Variants in CACNA1F observed in about 807,000 individuals in gnomAD.
The protein encoded by CACNA1F is calcium voltage-gated channel subunit alpha1 F, also known as voltage-dependent L-type calcium channel subunit alpha-1F.
Under a neutral mutation model 143.8 loss-of-function variants are expected in CACNA1F, and 59 were observed. The observed-to-expected ratio is 0.41, with a 90% CI of 0.33 to 0.51. The LOEUF is 0.51. Ranked by LOEUF, CACNA1F falls within the 20% of genes least tolerant of loss-of-function variation. CACNA1F has a pLI of 0.22. For synonymous variants in CACNA1F, 643 were observed against 649.1 expected (o/e 0.99, Z 0.14); for missense variants, 1,411 against 1,647.5 (o/e 0.86, Z 2.48).
intron 31 of CACNA1F, 38 bp from the exon 32 acceptor site, chrX:49,213,032 AGAT>A (rs782332775): frequency 8.7e-7 from 1 of 1,144,801 alleles, no homozygotes; most frequent in African/African-American, 1.8e-5. Flanking sequence ...GTGATACAGG[AGAT>A]GATGACATCA....
chrX:49,223,214 G>C (rs2065790729), intron 14 of CACNA1F, 78 bp from the exon 15 acceptor site: 1 of 665,631 alleles, frequency 1.5e-6, no homozygotes, highest in East Asian at 3.5e-5. Flanking sequence ...CCAGGGCAGG[G>C]CTCCAGCTTG....
chrX:49,209,597 T>G (rs781913921), intron 41 of CACNA1F, 32 bp downstream of exon 41: 44 of 1,207,775 alleles, frequency 3.6e-5, no homozygotes, highest in Non-Finnish European at 4.8e-5. Flanking sequence ...CTGCCACACG[T>G]GCCCATCCAC....
chrX:49,215,322 G>T lies in CACNA1F; in HGVS notation c.3438+20C>A, dbSNP rs376277147. The T allele has an allele frequency of 1.3e-4, 159 of 1,204,275 alleles. No homozygotes were observed. The highest frequency in any genetic ancestry group is 1.7e-4 in the Non-Finnish European group (151 of 891,101). ...GAAGGGTTGGTGACCATCCATAGGG[G>T]GTCAGGGGTCAGAGGTCACCTGGTT... On this transcript the variant is annotated intron_variant, in intron 28 of 47. Coordinates refer to ENST00000323022, the MANE Select transcript of CACNA1F (RefSeq NM_001256789.3).
chrX:49,213,966 G>A, intron 30 of CACNA1F, 64 bp from the exon 31 acceptor site: 1 of 843,200 alleles, frequency 1.2e-6, no homozygotes, highest in Non-Finnish European at 1.7e-6. Flanking sequence ...TAGGGGGCCA[G>A]TAGTAGTAGG....
chrX:49,224,887 C>T lies in CACNA1F; in HGVS notation c.1751G>A (p.Arg584His), dbSNP rs781913575. ...CCCACAGACCACAAAGCAGTCAAAG[C>T]GGTTGAAGAAGGAAGACACATAGGC... Reference protein sequence around the residue: ...PSAYVSSFFNRFDCFVVCGGI... With the variant: ...PSAYVSSFFNHFDCFVVCGGI... The change falls in exon 14 of 48, where the codon CGC becomes CAC. Residue 584 changes from arginine (R) to histidine (H), a missense_variant. Physicochemically the swap from Arg to His is conservative, Grantham distance 29. This residue lies in a region of CACNA1F where 950 missense variants were observed against 1,128.1 expected (regional missense o/e 0.84). Coordinates refer to ENST00000323022, the MANE Select transcript of CACNA1F (RefSeq NM_001256789.3). 30 of 1,205,089 alleles carry T rather than the reference C, an allele frequency of 2.5e-5. No homozygotes were observed. Among genetic ancestry groups the T allele is most frequent in the African/African-American group, 1.6e-4 (9 of 56,947 alleles).
rs200434463 is a variant in CACNA1F at position 49,231,722 on chromosome X, C to T, written c.231G>A (p.Leu77=). 2.5e-6 allele frequency: 3 copies of T among 1,210,524 alleles called. No individual in the cohort carries two copies. The highest frequency in any genetic ancestry group is 1.7e-5 in the African/African-American group (1 of 57,407). ...TGCAGGACCGTCGCAGAGGATTGGC[C>T]AGGGTGAGGCAGAAGAGTGCCCGAG... ...RSPRALFCLT[L]ANPLRRSCIS... Residue 77 remains leucine (L), a synonymous_variant, in exon 2 of 48, where the codon CTG becomes CTA. Coordinates refer to ENST00000323022, the MANE Select transcript of CACNA1F (RefSeq NM_001256789.3).
At chrX:49,205,479 G>A in intron 47 of CACNA1F, 112 bp from the exon 48 acceptor site, 1 of 833,554 alleles carries the variant, frequency 1.2e-6, no homozygotes. Flanking sequence ...TGGGGGACAG[G>A]GGTGAGCAGA....
chrX:49,218,089 A>G (rs1168085167), intron 24 of CACNA1F, 84 bp from the exon 25 acceptor site: 61 of 688,251 alleles, frequency 8.9e-5, no homozygotes, highest in Non-Finnish European at 1.3e-4. Context: ...GATGCAGCTG[A>G]GGGACTTGGG....
chrX:49,231,126 G>A (rs2065874533), intron 3 of CACNA1F, 76 bp downstream of exon 3: 2 of 825,405 alleles, frequency 2.4e-6, no homozygotes, highest in African/African-American at 2.1e-5. Context: ...GAGAGGGGGC[G>A]GGGTCTGGCT....
chrX:49,232,197 T>G (rs958600702), intron 1 of CACNA1F, among the ~76,000 whole-genome samples: 3 of 110,595 alleles, frequency 2.7e-5, no homozygotes, highest in African/African-American at 9.9e-5. Flanking sequence ...TGCCATGGGG[T>G]GGGCGAATTT....
At chrX:49,220,308 C>T (rs2065763051) in intron 19 of CACNA1F, among the ~76,000 whole-genome samples, 165 bp downstream of exon 19, 1 of 111,954 alleles carries the variant, frequency 8.9e-6, no homozygotes, top group Non-Finnish European at 1.9e-5. Context: ...CTTCTTTAAC[C>T]TCAATGTTCC....
In CACNA1F at chrX:49,215,558, G is replaced by A. The variant is rs782555988; in HGVS notation, c.3237-15C>T. The A allele has an allele frequency of 8.8e-5, 97 of 1,107,325 alleles. 1 individual carries two copies. The East Asian group carries it at 2.9e-3, about 33-fold the overall frequency. 91.3% of individuals were successfully genotyped at this position (1,107,325 alleles called of 1,213,427 possible). On this transcript the variant is annotated splice_polypyrimidine_tract_variant and intron_variant, in intron 27 of 47. Coordinates refer to ENST00000323022, the MANE Select transcript of CACNA1F (RefSeq NM_001256789.3). The stretch of plus-strand genomic sequence containing the variant: ...TGTATAGCAGTCTGTGGGAGCCAGA[G>A]GGGGGGTAGAGGTGGGGGCAGGTGA...
In CACNA1F at chrX:49,224,921, C is replaced by T. The variant is rs782016284; in HGVS notation, c.1717G>A (p.Gly573Ser). 26 of 1,206,512 alleles carry T rather than the reference C, an allele frequency of 2.2e-5. No homozygotes were observed. The South Asian group carries it at 3.0e-4, about 14-fold the overall frequency. ...VEMLLKLYGLGPSAYVSSFFN... is the reference protein window; with the variant it reads ...VEMLLKLYGLSPSAYVSSFFN... ...AAGGAAGACACATAGGCAGAGGGGC[C>T]CAGACCGTACAATTTGAGAAGCATC... Residue 573 changes from glycine (G) to serine (S), a missense_variant, in exon 14 of 48, where the codon GGC becomes AGC. Coordinates refer to ENST00000323022, the MANE Select transcript of CACNA1F (RefSeq NM_001256789.3).
intron 19 of CACNA1F, 27 bp from the exon 20 acceptor site, chrX:49,219,817 A>AG: frequency 1.1e-6 from 1 of 918,435 alleles, no homozygotes; most frequent in Non-Finnish European, 1.5e-6. Flanking sequence ...GCAAAAAAAA[A>AG]TTAATTGAGC....
In CACNA1F at chrX:49,224,871, C is replaced by G. The variant is rs1557109506; in HGVS notation, c.1767G>C (p.Val589=). 2 of 1,204,576 alleles carry G rather than the reference C, an allele frequency of 1.7e-6. No individual in the cohort carries two copies. The highest frequency in any genetic ancestry group is 5.9e-5 in the East Asian group (2 of 33,621). Residue 589 remains valine, a synonymous_variant, in exon 14 of 48, where the codon GTG becomes GTC. Coordinates refer to ENST00000323022, the MANE Select transcript of CACNA1F (RefSeq NM_001256789.3). Reference sequence around the variant, plus strand: ...TGGTCTCTAGGATGCCCCCACAGACCACAAAGCAGTCAAAGCGGTTGAAGA... The same window carrying G: ...TGGTCTCTAGGATGCCCCCACAGACGACAAAGCAGTCAAAGCGGTTGAAGA... The part of the protein sequence containing the change: ...SSFFNRFDCF[V]VCGGILETTL...
intron 43 of CACNA1F, among the ~76,000 whole-genome samples, chrX:49,207,747 A>AT (rs1188264737): frequency 2.7e-5 from 3 of 109,562 alleles, no homozygotes; most frequent in Non-Finnish European, 5.7e-5. Flanking sequence ...ACACTCTGAA[A>AT]TTTTTTTTTA....
rs113371601 is a variant in CACNA1F at position 49,226,738 on chromosome X, C to G, written c.1277-36G>C. 724 of 1,115,652 alleles carry G rather than the reference C, an allele frequency of 6.5e-4. 4 individuals are homozygous for G. In the African/African-American group the frequency reaches 0.011, roughly 17 times the overall value. The allele number at this position is 1,115,652 out of a possible 1,213,427, so 91.9% of individuals were successfully genotyped here. On this transcript the variant is annotated intron_variant, in intron 9 of 47. Transcript: ENST00000323022. ...AGAAAGGACAATTAGGGAGGACATA[C>G]TGGGGGCAGGGTTAGGGCCATGTCT...
rs782654962 is a variant in CACNA1F at position 49,218,010 on chromosome X, G to A, written c.2929-5C>T. ...AAATACACACTGCACCACATGCTGC[G>A]GGCACCCAAGCATATGGCTACTGAA... On this transcript the variant is annotated splice_region_variant and splice_polypyrimidine_tract_variant and intron_variant, in intron 24 of 47. Transcript: ENST00000323022. 5.9e-6 allele frequency: 7 copies of A among 1,179,564 alleles called. No homozygotes were observed. In the Admixed American group the frequency reaches 6.6e-5, roughly 11 times the overall value.
chrX:49,230,629 C>A lies in CACNA1F; in HGVS notation c.522-20G>T. 1 of 1,158,079 alleles carries A rather than the reference C, an allele frequency of 8.6e-7. No homozygotes were observed. Among genetic ancestry groups the A allele is most frequent in the Non-Finnish European group, 1.2e-6 (1 of 866,625 alleles). On this transcript the variant is annotated intron_variant, in intron 4 of 47. Transcript: ENST00000323022. ...AACAGCCTGATGGGGGAGCACCGGG[C>A]AGGGAGGCGGAGGTCAGGCCTTGGG...
Sources: gnomAD v4.1 joint callset for allele counts (sites outside exome capture counted in the v4.1 genomes callset) on GRCh38, gnomAD v4.1.1 for gene constraint, gnomAD v4.1.1 regional missense constraint, MANE v1.5 for transcripts, NCBI Gene and HGNC (gene_info 2026-07-23, HGNC 2026-07-21) for gene names.